The following ETV5 variants were observed in gnomAD, a reference collection of about 807,000 sequenced individuals.
ETV5 encodes ETS variant transcription factor 5.
A neutral mutation model predicts 70.0 loss-of-function variants in ETV5; 10 were observed. The observed-to-expected ratio is 0.14, with a 90% CI of 0.09 to 0.24. The LOEUF is 0.24. ETV5 is among the 10% of genes least tolerant of loss of function. The pLI, the probability that ETV5 is intolerant of heterozygous loss-of-function variation, is 1.00. For missense variants in ETV5, 453 were observed against 651.2 expected (o/e 0.70, Z 3.31); for synonymous variants, 216 against 242.2 (o/e 0.89, Z 1.01).
chr3:186,081,887 C>T (rs1713942740), intron 5 of ETV5, among the ~76,000 whole-genome samples: 2 of 152,192 alleles, frequency 1.3e-5, no homozygotes, highest in Non-Finnish European at 1.5e-5. Flanking sequence ...GGTAGGTTTG[C>T]GTAACCAGTC....
intron 9 of ETV5, among the ~76,000 whole-genome samples, chr3:186,062,799 T>A (rs868553774): frequency 6.6e-6 from 1 of 152,220 alleles, no homozygotes; most frequent in South Asian, 2.1e-4. Context: ...TCCTATACGA[T>A]CTGTATAATC....
At chr3:186,083,158 A>G (rs1383768092) in intron 5 of ETV5, among the ~76,000 whole-genome samples, 1 of 152,332 alleles carries the variant, frequency 6.6e-6, no homozygotes, top group African/African-American at 2.4e-5. Context: ...TTCCTCCAAC[A>G]CAGTAGATAG....
intron 9 of ETV5, among the ~76,000 whole-genome samples, chr3:186,062,095 C>T (rs1383595919): frequency 6.6e-6 from 1 of 152,170 alleles, no homozygotes; most frequent in African/African-American, 2.4e-5. Context: ...TGAGAATAAC[C>T]TGGAAGTACC....
intron 7 of ETV5, among the ~76,000 whole-genome samples, chr3:186,074,032 T>C (rs1328243912): frequency 1.3e-5 from 2 of 151,810 alleles, no homozygotes; most frequent in African/African-American, 4.8e-5. Context: ...CAGAAATCAA[T>C]GAAACAGAAA....
At chr3:186,051,983 C>T in intron 12 of ETV5, 47 bp downstream of exon 12, 1 of 1,587,736 alleles carries the variant, frequency 6.3e-7, no homozygotes. Context: ...TGGACTTTTT[C>T]CTTAAAAGAG....
intron 12 of ETV5, among the ~76,000 whole-genome samples, chr3:186,051,037 C>T (rs1402382160): frequency 1.3e-5 from 2 of 152,148 alleles, no homozygotes; most frequent in Non-Finnish European, 2.9e-5. Context: ...TAGTGAAAGC[C>T]GTCAAGTTTG....
At chr3:186,107,783 C>T (rs1714625389) in intron 1 of ETV5, among the ~76,000 whole-genome samples, 1 of 151,942 alleles carries the variant, frequency 6.6e-6, no homozygotes, top group African/African-American at 2.4e-5. Flanking sequence ...GAGCGAGCCG[C>T]GGCCGCCACA....
chr3:186,049,329 A>G (rs2150140235), intron 12 of ETV5, among the ~76,000 whole-genome samples: 1 of 152,350 alleles, frequency 6.6e-6, no homozygotes, highest in South Asian at 2.1e-4. Flanking sequence ...AGTATGTTCC[A>G]AAGCTGAAAA....
chr3:186,065,871 G>T lies in ETV5; in HGVS notation c.852C>A (p.His284Gln). 6.2e-7 allele frequency: 1 copy of T among 1,614,058 alleles called. No homozygotes were observed. Among genetic ancestry groups the T allele is most frequent in the Non-Finnish European group, 8.5e-7 (1 of 1,179,992 alleles). The change falls in exon 8 of 13, where the codon CAC (histidine) becomes CAA (glutamine). Residue 284 changes from histidine (H) to glutamine (Q), a missense_variant. His to Gln is a conservative substitution (Grantham distance 24, BLOSUM62 0). This residue lies in a region of ETV5 where 307 missense variants were observed against 344.9 expected (regional missense o/e 0.89). Coordinates refer to ENST00000306376, the MANE Select transcript of ETV5 (RefSeq NM_004454.3). ...TGATTCCCATTGGTGACTGGAACCC[G>T]TGTGCTGGGGGCCCTGGCATGCCCG... ...GVPGMPGPPA[H>Q]GFQSPMGIKQ...
chr3:186,057,523 G>A lies in ETV5; in HGVS notation c.971-32C>T, dbSNP rs1713195463. 6.4e-7 allele frequency: 1 copy of A among 1,557,822 alleles called. No homozygotes were observed. The highest frequency in any genetic ancestry group is 1.1e-5 in the South Asian group (1 of 89,818). On this transcript the variant is annotated intron_variant, in intron 9 of 12. Transcript: ENST00000306376. This position sits in a 1 kb window ranked among gnomAD's most constrained non-coding sequence, Gnocchi z 4.9. The stretch of plus-strand genomic sequence containing the variant: ...GAGAATTTAAAAGAAAGACTACGTT[G>A]CTTAACAAATTCTGTGTTGTACTAA...
intron 7 of ETV5, among the ~76,000 whole-genome samples, chr3:186,067,905 A>G (rs961116589): frequency 6.6e-6 from 1 of 152,242 alleles, no homozygotes; most frequent in Admixed American, 6.5e-5. Context: ...TGTTGGCAAA[A>G]AGAGCTTTTA....
rs1712901662 is a variant in ETV5 at position 186,047,238 on chromosome 3, T to A, written c.*1401A>T. The A allele has an allele frequency of 8.7e-6, 2 of 228,720 alleles. No homozygotes were observed. Among genetic ancestry groups the A allele is most frequent in the East Asian group, 6.3e-5 (1 of 15,916 alleles). The allele number at this position is 228,720 out of a possible 1,614,324, so 14.2% of individuals were successfully genotyped here. A position where few individuals can be genotyped will look rare whatever the true frequency, so the allele number is the denominator to read the frequency against. On this transcript the variant is annotated 3_prime_UTR_variant, in exon 13 of 13. Transcript: ENST00000306376. ...TAGCTTTAGCTTGGTTGTTTAAAAC[T>A]TTTCCAATATAATACAGCAATGAGA...
In ETV5 at chr3:186,079,966, G is replaced by A. The variant is rs1713891851; in HGVS notation, c.501C>T (p.Gly167=). ...GGGCGGGGCCCACACCTTGAACTGGGCCAGCTGCAGGGGCATGCCCTGAGG... is the reference window on the plus strand; with the variant it reads ...GGGCGGGGCCCACACCTTGAACTGGACCAGCTGCAGGGGCATGCCCTGAGG... ...LPTSGHAPAA[G]PVQGVGPAPA... The change falls in exon 7 of 13, where the codon GGC becomes GGT. Residue 167 remains glycine, a synonymous_variant. Coordinates refer to ENST00000306376, the MANE Select transcript of ETV5 (RefSeq NM_004454.3). The A allele has an allele frequency of 6.2e-7, 1 of 1,600,446 alleles. No individual in the cohort carries two copies. The highest frequency in any genetic ancestry group is 1.7e-5 in the Admixed American group (1 of 57,528).
Position 186,106,215 on chromosome 3 carries a change from T to C in ETV5, c.-74-273A>G, listed in dbSNP as rs1516725. 0.86 allele frequency among the ~76,000 whole-genome samples: 131,294 copies of C among 152,082 alleles called. 56,795 individuals carry two copies. Among genetic ancestry groups the C allele is most frequent in the East Asian group, 0.95 (4,899 of 5,178 alleles). On this transcript the variant is annotated intron_variant, in intron 1 of 12. Transcript: ENST00000306376. ...AAATTACAGATTTGCTACTGTCTGT[T>C]CTCTACCAAAACAAAAATAAATAAA...
At chr3:186,095,681 A>T (rs1457482694) in intron 5 of ETV5, among the ~76,000 whole-genome samples, 1 of 152,248 alleles carries the variant, frequency 6.6e-6, no homozygotes, top group African/African-American at 2.4e-5. Flanking sequence ...AGCTGCTCAA[A>T]GTCTAAATGC....
intron 5 of ETV5, among the ~76,000 whole-genome samples, chr3:186,092,692 C>G (rs75160594): frequency 0.14 from 21,201 of 151,970 alleles, 1,664 homozygotes; most frequent in African/African-American, 0.19. Flanking sequence ...TCTCAGCCCC[C>G]CAAAGTGTTG....
intron 5 of ETV5, among the ~76,000 whole-genome samples, chr3:186,096,316 G>A (rs930886053): frequency 6.6e-6 from 1 of 152,168 alleles, no homozygotes; most frequent in African/African-American, 2.4e-5. Flanking sequence ...TACTGTGGGT[G>A]ACCATGTGAA....
At chr3:186,080,694 T>C (rs1314707038) in intron 6 of ETV5, 1 of 232,694 alleles carries the variant, frequency 4.3e-6, no homozygotes, top group African/African-American at 2.2e-5. Flanking sequence ...ATTACTTCTC[T>C]GGTGCTTAAA....
intron 5 of ETV5, among the ~76,000 whole-genome samples, chr3:186,098,722 CA>C (rs746014558): frequency 1.6e-4 from 24 of 152,210 alleles, no homozygotes; most frequent in Non-Finnish European, 2.8e-4. Context: ...GTCTGACAAC[CA>C]GACTTTATTT....
Sources: allele counts gnomAD v4.1 joint callset (sites outside exome capture counted in the v4.1 genomes callset), GRCh38; gene constraint gnomAD v4.1.1; regional missense constraint gnomAD v4.1.1; non-coding constraint Gnocchi (gnomAD v3.1); transcripts MANE v1.5; gene names NCBI Gene and HGNC (gene_info 2026-07-23, HGNC 2026-07-21).